AFG1L: variants seen among roughly 807,000 people sequenced by gnomAD.
AFG1L encodes the protein AFG1 like ATPase, also known as AFG1-like ATPase.
A neutral mutation model predicts 62.2 loss-of-function variants in AFG1L; 53 were observed. That is an observed-to-expected ratio of 0.85 (90% confidence interval 0.68 to 1.07). The LOEUF (loss-of-function observed/expected upper bound fraction) is 1.07, where lower values mean the gene tolerates loss of function less well. Among genes scored for constraint, AFG1L ranks in the 50% least tolerant of loss-of-function variants. AFG1L has a pLI of 0.00. For synonymous variants in AFG1L, 228 were observed against 210.3 expected (o/e 1.08, Z -0.73); for missense variants, 555 against 590.5 (o/e 0.94, Z 0.62).
chr6:108,456,126 A>G (rs1174439838), intron 8 of AFG1L, among the ~76,000 whole-genome samples: 1 of 152,168 alleles, frequency 6.6e-6, no homozygotes, highest in Non-Finnish European at 1.5e-5. Flanking sequence ...TATTAGGTAT[A>G]TAAATGTTTA....
At chr6:108,506,127 C>T (rs1774410301) in intron 10 of AFG1L, among the ~76,000 whole-genome samples, 1 of 152,184 alleles carries the variant, frequency 6.6e-6, no homozygotes, top group Non-Finnish European at 1.5e-5. Context: ...GGACCTTCCA[C>T]AGACACCAAA....
chr6:108,401,081 C>T (rs1322605335), intron 6 of AFG1L, among the ~76,000 whole-genome samples: 1 of 150,508 alleles, frequency 6.6e-6, no homozygotes, highest in African/African-American at 2.4e-5. Context: ...TGATTCTCCT[C>T]CCTCACCCTC....
intron 1 of AFG1L, among the ~76,000 whole-genome samples, chr6:108,316,587 G>A (rs899375897): frequency 2.7e-4 from 39 of 142,900 alleles, no homozygotes; most frequent in Non-Finnish European, 9.1e-5. Context: ...AGGCTGGAGT[G>A]CAGTGGTGCG....
At chr6:108,439,995 T>C (rs1450081815) in intron 7 of AFG1L, among the ~76,000 whole-genome samples, 1 of 152,164 alleles carries the variant, frequency 6.6e-6, no homozygotes, top group Non-Finnish European at 1.5e-5. Flanking sequence ...AAATTAAGCA[T>C]AGAACTATAT....
At chr6:108,361,335 G>T (rs1348597932) in intron 5 of AFG1L, among the ~76,000 whole-genome samples, 1 of 152,138 alleles carries the variant, frequency 6.6e-6, no homozygotes, top group Non-Finnish European at 1.5e-5. Context: ...CACTACAATA[G>T]AAAATAAGTT....
chr6:108,449,727 A>G lies in AFG1L; in HGVS notation c.890+2431A>G, dbSNP rs533639746. On this transcript the variant is annotated intron_variant, in intron 8 of 12. Coordinates refer to ENST00000368977, the MANE Select transcript of AFG1L (RefSeq NM_145315.5). ...TAACTCCTCATTTAACATTAGGTAT[A>G]TCTCCTAATGCTATCCCTTCCCCCT... Among the ~76,000 whole-genome samples the G allele has an allele frequency of 6.4e-4, 98 of 152,132 alleles. 1 individual carries two copies. Among genetic ancestry groups the G allele is most frequent in the Non-Finnish European group, 8.2e-4 (56 of 67,998 alleles).
At chr6:108,393,566 T>C (rs1781152770) in intron 6 of AFG1L, among the ~76,000 whole-genome samples, 1 of 152,174 alleles carries the variant, frequency 6.6e-6, no homozygotes. Context: ...ACTTTGTTGA[T>C]GAGTGGAAAT....
intron 3 of AFG1L, among the ~76,000 whole-genome samples, chr6:108,355,104 CTT>C (rs60493859): frequency 1.3e-4 from 19 of 141,512 alleles, no homozygotes; most frequent in African/African-American, 1.3e-4. Context: ...TCTTTCTTCT[CTT>C]TTTTTTTTTT....
intron 1 of AFG1L, among the ~76,000 whole-genome samples, chr6:108,300,188 G>A (rs1582550388): frequency 6.7e-6 from 1 of 149,550 alleles, no homozygotes; most frequent in Non-Finnish European, 1.5e-5. Context: ...TGCTCTTGTC[G>A]CCCAGGCTGG....
At chr6:108,514,238 T>G (rs147322737) in intron 11 of AFG1L, among the ~76,000 whole-genome samples, 5 of 152,256 alleles carry the variant, frequency 3.3e-5, no homozygotes, top group African/African-American at 9.6e-5. Flanking sequence ...AGCTCCTCGC[T>G]AGCAACGGAA....
At chr6:108,347,466 C>T (rs1291565644) in intron 3 of AFG1L, among the ~76,000 whole-genome samples, 9 of 152,024 alleles carry the variant, frequency 5.9e-5, no homozygotes, top group South Asian at 2.1e-4. Flanking sequence ...ATAATTTAGT[C>T]GTTATTATCT....
intron 7 of AFG1L, among the ~76,000 whole-genome samples, chr6:108,411,814 G>A (rs1782129182): frequency 1.3e-5 from 2 of 152,204 alleles, no homozygotes; most frequent in South Asian, 4.1e-4. Context: ...AGAAACCAGA[G>A]CAGAGAAGCT....
intron 6 of AFG1L, among the ~76,000 whole-genome samples, chr6:108,393,451 T>C (rs1562129225): frequency 6.6e-6 from 1 of 151,956 alleles, no homozygotes; most frequent in East Asian, 1.9e-4. Flanking sequence ...TCAGAGCATA[T>C]AGTTTTGGAT....
intron 2 of AFG1L, among the ~76,000 whole-genome samples, chr6:108,330,758 G>A (rs1426303055): frequency 1.3e-5 from 2 of 152,152 alleles, no homozygotes; most frequent in South Asian, 4.1e-4. Flanking sequence ...AAGCAGTACT[G>A]ACTGCCCATT....
At chr6:108,475,570 G>A (rs1223581578) in intron 8 of AFG1L, among the ~76,000 whole-genome samples, 1 of 151,974 alleles carries the variant, frequency 6.6e-6, no homozygotes, top group Non-Finnish European at 1.5e-5. Flanking sequence ...ACTTTCTATA[G>A]TGTCATTTCA....
intron 7 of AFG1L, among the ~76,000 whole-genome samples, chr6:108,425,896 A>C (rs2114700627): frequency 6.6e-6 from 1 of 152,290 alleles, no homozygotes; most frequent in South Asian, 2.1e-4. Flanking sequence ...TACTCTTCAG[A>C]TCTTTTATCA....
In AFG1L at chr6:108,519,833, CT is replaced by C. The variant is rs367987787; in HGVS notation, c.1317+28del. ...CAGGTAGGCGATATTAACATAATCT[CT>C]TTTTATTATAAAACAGCTTAATTGT... is the stretch of plus-strand genomic sequence containing the variant. On this transcript the variant is annotated intron_variant, in intron 12 of 12. Transcript: ENST00000368977. 4 of 1,443,264 alleles carry C rather than the reference CT, an allele frequency of 2.8e-6. 1 individual carries two copies. In the South Asian group the frequency reaches 3.6e-5, roughly 13 times the overall value. The allele number at this position is 1,443,264 out of a possible 1,614,324, so 89.4% of individuals were successfully genotyped here.
Position 108,523,394 on chromosome 6 carries a change from T to A in AFG1L, c.*969T>A, listed in dbSNP as rs1465767110. On this transcript the variant is annotated 3_prime_UTR_variant, in exon 13 of 13. Transcript: ENST00000368977. ...CCTGACAAGCCTGCTTCACAGGAAA[T>A]CTGATTTGTCCTTCACTGAGCTCAT... 6.6e-6 allele frequency: 1 copy of A among 152,222 alleles called. No homozygotes were observed. Among genetic ancestry groups the A allele is most frequent in the Admixed American group, 6.5e-5 (1 of 15,282 alleles). 9.4% of individuals were successfully genotyped at this position (152,222 alleles called of 1,614,324 possible).
chr6:108,448,059 GA>G (rs1186279518), intron 8 of AFG1L, among the ~76,000 whole-genome samples: 1 of 152,168 alleles, frequency 6.6e-6, no homozygotes, highest in African/African-American at 2.4e-5. Context: ...GAGAGGTTGA[GA>G]AAAGTTCTTG....
Sources: allele counts gnomAD v4.1 joint callset (sites outside exome capture counted in the v4.1 genomes callset), GRCh38; gene constraint gnomAD v4.1.1; transcripts MANE v1.5; gene names NCBI Gene and HGNC (gene_info 2026-07-23, HGNC 2026-07-21).